Variants in PTPRD observed in about 807,000 individuals in gnomAD.
PTPRD encodes the protein receptor-type tyrosine-protein phosphatase delta.
A neutral mutation model predicts 214.5 loss-of-function variants in PTPRD; 34 were observed. The observed-to-expected ratio is 0.16, with a 90% CI of 0.12 to 0.21. The LOEUF is 0.21. PTPRD is among the 10% of genes least tolerant of loss of function. PTPRD has a pLI of 1.00. For missense variants in PTPRD, 2,545 were observed against 2,398.7 expected (o/e 1.06, Z -1.27); for synonymous variants, 1,128 against 845.7 (o/e 1.33, Z -5.79).
At chr9:8,719,725 T>C (rs2098472263) in intron 12 of PTPRD, among the ~76,000 whole-genome samples, 1 of 152,210 alleles carries the variant, frequency 6.6e-6, no homozygotes, top group Admixed American at 6.5e-5. Context: ...ATTTACCATA[T>C]AGCTCTTTAC....
chr9:10,103,764 C>G (rs1405012356), intron 3 of PTPRD, among the ~76,000 whole-genome samples: 1 of 151,412 alleles, frequency 6.6e-6, no homozygotes, highest in Non-Finnish European at 1.5e-5. Context: ...CAGGACTGGT[C>G]CAGACACTCT....
intron 7 of PTPRD, among the ~76,000 whole-genome samples, chr9:9,622,990 G>C (rs900973570): frequency 1.3e-5 from 2 of 152,174 alleles, no homozygotes; most frequent in Non-Finnish European, 2.9e-5. Flanking sequence ...GAGATATACA[G>C]TTTGCTACCT....
intron 34 of PTPRD, among the ~76,000 whole-genome samples, chr9:8,447,568 A>G (rs2095782606): frequency 6.6e-6 from 1 of 152,198 alleles, no homozygotes; most frequent in Non-Finnish European, 1.5e-5. Context: ...TCCTGGTTGA[A>G]GACATTCCTA....
intron 14 of PTPRD, among the ~76,000 whole-genome samples, chr9:8,615,655 C>T (rs145265267): frequency 1.4e-3 from 211 of 152,096 alleles, no homozygotes; most frequent in African/African-American, 4.9e-3. Context: ...CAGCATGGCA[C>T]CTATATACAC....
At position 9,457,216 on chromosome 9, in the gene PTPRD, A is replaced by T. The variant is rs375578454; in HGVS notation, c.-236-59734T>A. ...TTACCCTCCTTGCTTATTAACATGA[A>T]GTTCCATTCTGATGATAAAAATAGA... is the stretch of plus-strand genomic sequence containing the variant. On this transcript the variant is annotated intron_variant, in intron 8 of 45. Coordinates refer to ENST00000381196, the MANE Select transcript of PTPRD (RefSeq NM_002839.4). Among the ~76,000 whole-genome samples, 4 of 151,962 alleles carry T rather than the reference A, an allele frequency of 2.6e-5. No individual in the cohort carries two copies. The South Asian group carries it at 8.3e-4, about 31-fold the overall frequency.
rs185595511 is a variant in PTPRD at position 10,045,555 on chromosome 9, A to G, written c.-544-11765T>C. 2.5e-3 allele frequency among the ~76,000 whole-genome samples: 386 copies of G among 151,830 alleles called. 1 individual carries two copies. The highest frequency in any genetic ancestry group is 8.3e-3 in the African/African-American group (344 of 41,520). On this transcript the variant is annotated intron_variant, in intron 3 of 45. Coordinates refer to ENST00000381196, the MANE Select transcript of PTPRD (RefSeq NM_002839.4). ...ATATTCACTATCTGCCTTTAGGTGT[A>G]TATGTTTCAGCTATCATTTTGAGAA...
intron 21 of PTPRD, among the ~76,000 whole-genome samples, chr9:8,516,798 CTTTTTTTTTTT>C (rs71500960): frequency 1.2e-4 from 13 of 107,936 alleles, no homozygotes; most frequent in African/African-American, 4.3e-4. Context: ...CAAGAATAAA[CTTTTTTTTTTT>C]TTTTTTTTTT....
chr9:9,596,647 G>C (rs1431339516), intron 7 of PTPRD, among the ~76,000 whole-genome samples: 1 of 151,910 alleles, frequency 6.6e-6, no homozygotes, highest in African/African-American at 2.4e-5. Flanking sequence ...AATTCATATA[G>C]TCTAGGGTAT....
At chr9:8,934,493 A>ATATATATATT in intron 11 of PTPRD, among the ~76,000 whole-genome samples, 1 of 4,338 alleles carries the variant, frequency 2.3e-4, no homozygotes, top group East Asian at 9.1e-3. Flanking sequence ...ATATATATAT[A>ATATATATATT]AATATATATA....
intron 3 of PTPRD, among the ~76,000 whole-genome samples, chr9:10,206,802 G>A (rs2099484828): frequency 6.6e-6 from 1 of 152,090 alleles, no homozygotes; most frequent in African/African-American, 2.4e-5. Context: ...TAAATCATTA[G>A]TAGCTACATA....
At chr9:8,968,157 T>G (rs958756751) in intron 11 of PTPRD, among the ~76,000 whole-genome samples, 1 of 152,138 alleles carries the variant, frequency 6.6e-6, no homozygotes, top group African/African-American at 2.4e-5. Flanking sequence ...TCTATCATTG[T>G]TGGACATTTG....
chr9:9,597,261 G>A (rs1429967122), intron 7 of PTPRD, among the ~76,000 whole-genome samples: 1 of 151,900 alleles, frequency 6.6e-6, no homozygotes, highest in Non-Finnish European at 1.5e-5. Context: ...CCATCAAAGT[G>A]GGAAAGGGAA....
At chr9:9,542,105 T>C (rs562478202) in intron 8 of PTPRD, among the ~76,000 whole-genome samples, 1 of 151,330 alleles carries the variant, frequency 6.6e-6, no homozygotes, top group Admixed American at 6.6e-5. Flanking sequence ...GTTACTCTAA[T>C]CAAGAAAAAG....
chr9:9,463,285 G>A (rs1368357147), intron 8 of PTPRD, among the ~76,000 whole-genome samples: 5 of 152,114 alleles, frequency 3.3e-5, no homozygotes, highest in African/African-American at 4.8e-5. Context: ...AGATAAACAG[G>A]AATAATTGTC....
intron 14 of PTPRD, among the ~76,000 whole-genome samples, chr9:8,538,539 A>G (rs1055525192): frequency 4.0e-5 from 6 of 151,756 alleles, no homozygotes; most frequent in Non-Finnish European, 7.4e-5. Context: ...TTATAAAAAA[A>G]AGAAAATCAG....
chr9:9,802,733 TGAATACACCTATCA>T (rs1767163046), intron 5 of PTPRD, among the ~76,000 whole-genome samples: 1 of 151,862 alleles, frequency 6.6e-6, no homozygotes, highest in African/African-American at 2.4e-5. Flanking sequence ...GCTTGTTGAA[TGAATACACCTATCA>T]GTTTTTTCTC....
intron 8 of PTPRD, among the ~76,000 whole-genome samples, chr9:9,451,205 T>C (rs1243630025): frequency 2.0e-5 from 3 of 151,734 alleles, no homozygotes; most frequent in Non-Finnish European, 4.4e-5. Flanking sequence ...TTTTACCCCA[T>C]GTATGGAGAA....
chr9:10,405,256 C>A (rs971474816), intron 2 of PTPRD, among the ~76,000 whole-genome samples: 6 of 151,634 alleles, frequency 4.0e-5, no homozygotes, highest in Non-Finnish European at 7.4e-5. Flanking sequence ...CTAAAGCCTT[C>A]GAAAGCTACC....
intron 5 of PTPRD, among the ~76,000 whole-genome samples, chr9:9,782,002 C>T (rs1332928834): frequency 2.0e-5 from 3 of 152,086 alleles, no homozygotes; most frequent in Non-Finnish European, 4.4e-5. Flanking sequence ...CCGTGTTAAC[C>T]AGGATGGTCT....
Sources: allele counts gnomAD v4.1 joint callset (sites outside exome capture counted in the v4.1 genomes callset), GRCh38; gene constraint gnomAD v4.1.1; transcripts MANE v1.5; gene names NCBI Gene and HGNC (gene_info 2026-07-23, HGNC 2026-07-21).